RPLP0: variants seen among roughly 807,000 people sequenced by gnomAD.
RPLP0 encodes ribosomal protein lateral stalk subunit P0.
For synonymous variants in RPLP0, 137 were observed against 153.4 expected, an observed-to-expected ratio of 0.89 and a Z score of 0.79; for missense variants, 276 against 402.9, an observed-to-expected ratio of 0.69 and a Z score of 2.70.
At chr12:120,200,681 T>A in intron 2 of RPLP0, 49 bp downstream of exon 2, 1 of 1,587,108 alleles carries the variant, frequency 6.3e-7, no homozygotes, top group Non-Finnish European at 8.6e-7. Flanking sequence ...ACTGTCCCTA[T>A]TTGCGCTGGG....
At chr12:120,197,507 AAGGAAG>A (rs768013396) in intron 6 of RPLP0, 45 bp from the exon 7 acceptor site, 9 of 1,591,294 alleles carry the variant, frequency 5.7e-6, no homozygotes, top group South Asian at 1.1e-5. Flanking sequence ...CCCTACAGGA[AAGGAAG>A]TCCAAGTAAG....
chr12:120,199,597 T>A lies in RPLP0; in HGVS notation c.55-112A>T, dbSNP rs1879326977. 1.5e-5 allele frequency: 17 copies of A among 1,161,082 alleles called. 1 individual carries two copies. The South Asian group carries it at 2.6e-4, about 18-fold the overall frequency. The allele number at this position is 1,161,082 out of a possible 1,614,324, so 71.9% of individuals were successfully genotyped here. On this transcript the variant is annotated intron_variant, in intron 2 of 7. Transcript: ENST00000392514. ...CCATCCCACTCCCTTTCTTCTAAGC[T>A]TTTGAAGTCAGAGGGAGATTGGGAG...
chr12:120,200,059 CA>C (rs749578928), intron 2 of RPLP0: 7 of 455,946 alleles, frequency 1.5e-5, no homozygotes, highest in South Asian at 7.7e-5. Context: ...AAAGGCCATC[CA>C]AAAGTCATTG....
At chr12:120,200,487 T>A in intron 2 of RPLP0, 1 of 493,016 alleles carries the variant, frequency 2.0e-6, no homozygotes. Context: ...TAAAGCGCGC[T>A]CTTTTAGAAG....
intron 1 of RPLP0, 71 bp downstream of exon 1, chr12:120,201,012 C>G (rs1331473680): frequency 5.2e-6 from 3 of 576,652 alleles, no homozygotes. Context: ...TCCATGTTCC[C>G]AAAGGCCCCC....
chr12:120,200,865 G>T, intron 1 of RPLP0, 34 bp from the exon 2 acceptor site: 4 of 1,547,330 alleles, frequency 2.6e-6, no homozygotes, highest in Non-Finnish European at 3.5e-6. Flanking sequence ...GCCTGGTCAC[G>T]CCGACACCCA....
Position 120,200,569 on chromosome 12 carries a change from C to T in RPLP0, c.54+161G>A, listed in dbSNP as rs1296796090. On this transcript the variant is annotated intron_variant, in intron 2 of 7. Coordinates refer to ENST00000392514, the MANE Select transcript of RPLP0 (RefSeq NM_001002.4). ...CTTGCCTGAGCCCGTTTATCTGCAACAGAAGGGACCTATCTCAGGAAATTG... is the reference window on the plus strand; with the variant it reads ...CTTGCCTGAGCCCGTTTATCTGCAATAGAAGGGACCTATCTCAGGAAATTG... 10 of 718,700 alleles carry T rather than the reference C, an allele frequency of 1.4e-5. No individual in the cohort carries two copies. In the East Asian group the frequency reaches 2.5e-4, roughly 18 times the overall value. 44.5% of individuals were successfully genotyped at this position (718,700 alleles called of 1,614,324 possible). A position where few individuals can be genotyped will look rare whatever the true frequency, so the allele number is the denominator to read the frequency against.
chr12:120,200,561 A>T, intron 2 of RPLP0, 169 bp downstream of exon 2: 1 of 674,130 alleles, frequency 1.5e-6, no homozygotes, highest in Non-Finnish European at 2.4e-6. Context: ...GAGCCCGTTT[A>T]TCTGCAACAG....
In RPLP0 at chr12:120,199,136, G is replaced by C. The variant is rs1566328020; in HGVS notation, c.300C>G (p.Asp100Glu). ...FTKEDLTEIR[D>E]MLLANKVPAA... ...CCCTTACCTTATTGGCCAGCAACAT[G>C]TCCCTGATCTCAGTGAGGTCCTCCT... The change falls in exon 4 of 8, where the codon GAC becomes GAG. Residue 100 changes from aspartate to glutamate, a missense_variant. Transcript: ENST00000392514. 6.2e-7 allele frequency: 1 copy of C among 1,613,588 alleles called. No homozygotes were observed. Among genetic ancestry groups the C allele is most frequent in the Admixed American group, 1.7e-5 (1 of 60,026 alleles).
In RPLP0 at chr12:120,200,836, G is replaced by C; in HGVS notation, c.-48-5C>G. The C allele has an allele frequency of 6.3e-7, 1 of 1,589,774 alleles. No homozygotes were observed. Among genetic ancestry groups the C allele is most frequent in the Non-Finnish European group, 8.6e-7 (1 of 1,169,006 alleles). ...CAGGGTTTAAAGACGATGTCACTGAGGAGAGACAGGGAGCTCAGGCCTGGT... is the reference window on the plus strand; with the variant it reads ...CAGGGTTTAAAGACGATGTCACTGACGAGAGACAGGGAGCTCAGGCCTGGT... On this transcript the variant is annotated splice_polypyrimidine_tract_variant and splice_region_variant and intron_variant, in intron 1 of 7. Transcript: ENST00000392514.
Position 120,197,032 on chromosome 12 carries a change from AGTCC to A in RPLP0, c.793-102_793-99del, listed in dbSNP as rs144021168. On this transcript the variant is annotated intron_variant, in intron 7 of 7. Coordinates refer to ENST00000392514, the MANE Select transcript of RPLP0 (RefSeq NM_001002.4). ...AGAGTTTAAGGACCAACAATATCAAAGTCCGTGTGAAGCCTTTCCTGTCAGAAGC... is the reference window on the plus strand; with the variant it reads ...AGAGTTTAAGGACCAACAATATCAAAGTGTGAAGCCTTTCCTGTCAGAAGC... 635 of 1,570,062 alleles carry A rather than the reference AGTCC, an allele frequency of 4.0e-4. 7 individuals are homozygous for A. In the East Asian group the frequency reaches 0.013, roughly 32 times the overall value.
rs1879268562 is a variant in RPLP0, at chr12:120,198,403, A to T, written c.651+151T>A. On this transcript the variant is annotated intron_variant, in intron 6 of 7. Transcript: ENST00000392514. The surrounding 1 kb of genome is among the most constrained non-coding windows in gnomAD (Gnocchi z 4.1). ...TCTGTCTCCAAAAAAAAAAAAAAAA[A>T]ATCCTTCAACAATCTTATGTTGTTA... is the stretch of plus-strand genomic sequence containing the variant. 2.5e-6 allele frequency: 2 copies of T among 816,156 alleles called. No homozygotes were observed. The highest frequency in any genetic ancestry group is 3.6e-6 in the Non-Finnish European group (2 of 547,980). 50.6% of individuals were successfully genotyped at this position (816,156 alleles called of 1,614,324 possible).
Position 120,198,348 on chromosome 12 carries a change from T to C in RPLP0, c.651+206A>G, listed in dbSNP as rs906195250. The C allele has an allele frequency of 1.5e-4, 82 of 556,936 alleles. No homozygotes were observed. The highest frequency in any genetic ancestry group is 2.5e-4 in the Admixed American group (8 of 31,468). The allele number at this position is 556,936 out of a possible 1,614,324, so 34.5% of individuals were successfully genotyped here. On this transcript the variant is annotated intron_variant, in intron 6 of 7. Coordinates refer to ENST00000392514, the MANE Select transcript of RPLP0 (RefSeq NM_001002.4). The surrounding 1 kb of genome is among the most constrained non-coding windows in gnomAD (Gnocchi z 4.1). ...GCAGTGAGCCGGGAGATTGTGCCAC[T>C]GCACTCCAGCCTGGGCGACACAGCA...
chr12:120,197,252 G>C, intron 7 of RPLP0, 70 bp downstream of exon 7: 4 of 1,381,764 alleles, frequency 2.9e-6, no homozygotes, highest in Non-Finnish European at 3.1e-6. Context: ...AAGCAGTAAG[G>C]TAGAAGGCCA....
intron 3 of RPLP0, 23 bp from the exon 4 acceptor site, chr12:120,199,228 G>A (rs1475944624): frequency 1.9e-6 from 3 of 1,612,912 alleles, no homozygotes; most frequent in African/African-American, 1.3e-5. Flanking sequence ...GTTTATGGGA[G>A]ACAATCACCT....
chr12:120,201,056 T>C (rs1879443972), intron 1 of RPLP0, 27 bp downstream of exon 1: 3 of 439,514 alleles, frequency 6.8e-6, no homozygotes, highest in African/African-American at 2.0e-5. Context: ...CGGCGACCCC[T>C]GGCGCCCATC....
intron 2 of RPLP0, 57 bp from the exon 3 acceptor site, chr12:120,199,542 C>T (rs555587675): frequency 2.0e-6 from 3 of 1,535,376 alleles, no homozygotes; most frequent in African/African-American, 2.7e-5. Context: ...GGAAAAAATG[C>T]CAGAAGAAAC....
In RPLP0 at chr12:120,196,778, CAA is replaced by C; in HGVS notation, c.947_948del (p.Phe316Ter). On this transcript the variant is annotated frameshift_variant, in exon 8 of 8. Transcript: ENST00000392514. LOFTEE classifies it high-confidence loss of function. Reference protein sequence around the residue: ...ESDEDMGFGLFD With the variant: ...ESDEDMGFGLXD The stretch of plus-strand genomic sequence containing the variant: ...AGTTGGTTGCTTTTTGGTGATTAGT[CAA>C]AGAGACCAAATCCCATATCCTCGTC... 2.6e-6 allele frequency: 4 copies of C among 1,563,866 alleles called. No individual in the cohort carries two copies. Among genetic ancestry groups the C allele is most frequent in the Non-Finnish European group, 3.5e-6 (4 of 1,149,958 alleles).
intron 2 of RPLP0, chr12:120,200,335 C>T (rs903354995): frequency 6.1e-6 from 2 of 327,380 alleles, no homozygotes; most frequent in Non-Finnish European, 1.2e-5. Context: ...TGGTGTCGCG[C>T]CCCTGTAATC....
Sources: gnomAD v4.1 joint callset for allele counts on GRCh38, gnomAD v4.1.1 for gene constraint, Gnocchi (gnomAD v3.1) non-coding constraint, MANE v1.5 for transcripts, NCBI Gene and HGNC (gene_info 2026-07-23, HGNC 2026-07-21) for gene names.